PLCB4: variants seen among roughly 807,000 people sequenced by gnomAD.
PLCB4 encodes phospholipase C beta 4.
In PLCB4, 77 loss-of-function variants were observed where a neutral mutation model predicts 178.8. The ratio of observed to expected loss-of-function variants is 0.43; its 90% CI spans 0.36 to 0.52. The LOEUF (loss-of-function observed/expected upper bound fraction) is 0.52. Ranked by LOEUF, PLCB4 falls within the 20% of genes least tolerant of loss-of-function variation. The probability of loss-of-function intolerance (pLI) is 0.00; values close to 1 mark genes in which losing one functional copy is unlikely to be tolerated. For missense variants in PLCB4, 1,024 were observed against 1,453.4 expected, an observed-to-expected ratio of 0.70 and a Z score of 4.80; for synonymous variants, 496 against 490.8, an observed-to-expected ratio of 1.01 and a Z score of -0.14.
chr20:9,292,628 G>A (rs2094590128), intron 3 of PLCB4, among the ~76,000 whole-genome samples: 1 of 152,272 alleles, frequency 6.6e-6, no homozygotes, highest in East Asian at 1.9e-4. Context: ...AGGCACAATC[G>A]AGGCTGTCAA....
chr20:9,342,350 G>T (rs937475970), intron 7 of PLCB4, among the ~76,000 whole-genome samples: 1 of 152,172 alleles, frequency 6.6e-6, no homozygotes, highest in African/African-American at 2.4e-5. Flanking sequence ...ACATGAAATA[G>T]TGTTTGTGAC....
intron 7 of PLCB4, among the ~76,000 whole-genome samples, chr20:9,356,936 C>A (rs1055979568): frequency 2.0e-5 from 3 of 151,956 alleles, no homozygotes; most frequent in African/African-American, 7.3e-5. Flanking sequence ...GGCAACATGG[C>A]CAGACCCCAT....
rs767026439 is a variant in PLCB4, at chr20:9,339,046, A to T, written c.369+9A>T. 1 of 1,608,012 alleles carries T rather than the reference A, an allele frequency of 6.2e-7. No individual in the cohort carries two copies. Among genetic ancestry groups the T allele is most frequent in the Non-Finnish European group, 8.5e-7 (1 of 1,175,776 alleles). On this transcript the variant is annotated intron_variant, in intron 7 of 39. Transcript: ENST00000378473. ...ATCCAGAAGTAACTAAGGTAGCTTC[A>T]GTTAAATGGCCTCCTTCTCTTCCCC...
At chr20:9,260,516 A>G (rs116052679) in intron 3 of PLCB4, among the ~76,000 whole-genome samples, 3,405 of 152,234 alleles carry the variant, frequency 0.022, 64 homozygotes, top group African/African-American at 0.034. Context: ...AAAAAAATGT[A>G]TAGAGTGACA....
intron 3 of PLCB4, among the ~76,000 whole-genome samples, chr20:9,262,180 C>A (rs374596013): frequency 6.6e-6 from 1 of 152,086 alleles, no homozygotes; most frequent in Non-Finnish European, 1.5e-5. Context: ...GACCCAAGAA[C>A]GAGTGCCATC....
At chr20:9,459,529 A>G (rs886514972) in intron 34 of PLCB4, 106 bp from the exon 35 acceptor site, 1 of 684,498 alleles carries the variant, frequency 1.5e-6, no homozygotes, top group Non-Finnish European at 2.4e-6. Context: ...TGATTCACCA[A>G]TTAAGTTGGT....
Position 9,401,621 on chromosome 20 carries a change from A to G in PLCB4, c.1611+31A>G, listed in dbSNP as rs758919012. On this transcript the variant is annotated intron_variant, in intron 20 of 39. Transcript: ENST00000378473. ...AGTCCCCTTTCTTTCATCACTCTCAAGAGGTAGCAGCTGTTATTTATGAAA... is the reference window on the plus strand; with the variant it reads ...AGTCCCCTTTCTTTCATCACTCTCAGGAGGTAGCAGCTGTTATTTATGAAA... 5 of 1,393,906 alleles carry G rather than the reference A, an allele frequency of 3.6e-6. No individual in the cohort carries two copies. In the Admixed American group the frequency reaches 8.5e-5, roughly 24 times the overall value. 86.3% of individuals were successfully genotyped at this position (1,393,906 alleles called of 1,614,324 possible). A position where few individuals can be genotyped will look rare whatever the true frequency, so the allele number is the denominator to read the frequency against.
At chr20:9,156,180 G>T (rs2092784900) in intron 2 of PLCB4, among the ~76,000 whole-genome samples, 1 of 152,156 alleles carries the variant, frequency 6.6e-6, no homozygotes, top group African/African-American at 2.4e-5. Context: ...TCTCCAGATT[G>T]TTTCTGGAAG....
At chr20:9,403,727 G>A (rs1015086625) in intron 20 of PLCB4, among the ~76,000 whole-genome samples, 1 of 152,206 alleles carries the variant, frequency 6.6e-6, no homozygotes, top group Non-Finnish European at 1.5e-5. Flanking sequence ...TCAGTGATTG[G>A]CACATGAGTA....
At chr20:9,266,610 A>ATAC (rs2094351985) in intron 3 of PLCB4, among the ~76,000 whole-genome samples, 1 of 152,202 alleles carries the variant, frequency 6.6e-6, no homozygotes, top group African/African-American at 2.4e-5. Context: ...AAATTGCTTA[A>ATAC]TACTGTCGCT....
intron 1 of PLCB4, among the ~76,000 whole-genome samples, chr20:9,086,287 C>T (rs1007984383): frequency 2.0e-5 from 3 of 151,928 alleles, no homozygotes; most frequent in East Asian, 1.9e-4. Context: ...ACTACAGCAT[C>T]GGTATATTGG....
At chr20:9,380,002 T>A in intron 12 of PLCB4, 52 bp from the exon 13 acceptor site, 1 of 879,282 alleles carries the variant, frequency 1.1e-6, no homozygotes. Flanking sequence ...TAATGTCTAA[T>A]GCCTCAAGGC....
chr20:9,435,393 T>C lies in PLCB4; in HGVS notation c.2525-167T>C, dbSNP rs3817877. 0.23 allele frequency among the ~76,000 whole-genome samples: 35,725 copies of C among 152,212 alleles called. 4,955 individuals carry two copies. Among genetic ancestry groups the C allele is most frequent in the African/African-American group, 0.37 (15,413 of 41,514 alleles). On this transcript the variant is annotated intron_variant, in intron 28 of 39. Transcript: ENST00000378473. ...CCCTTGCTTTTAACTCCTTTCTTGTTTTCTGCAACTAGCTGTGCCTTCCTC... is the reference window on the plus strand; with the variant it reads ...CCCTTGCTTTTAACTCCTTTCTTGTCTTCTGCAACTAGCTGTGCCTTCCTC...
chr20:9,380,209 G>A, intron 13 of PLCB4, 47 bp downstream of exon 13: 1 of 960,500 alleles, frequency 1.0e-6, no homozygotes. Context: ...AAGAAAAGAT[G>A]CAACTTTTAA....
chr20:9,079,920 A>T (rs1052491589), intron 1 of PLCB4, among the ~76,000 whole-genome samples: 4 of 152,184 alleles, frequency 2.6e-5, no homozygotes, highest in Non-Finnish European at 5.9e-5. Flanking sequence ...TTATCTGATT[A>T]ACCAAAAATG....
chr20:9,390,053 A>C, intron 16 of PLCB4, 95 bp downstream of exon 16: 1 of 688,398 alleles, frequency 1.5e-6, no homozygotes, highest in Non-Finnish European at 2.5e-6. Flanking sequence ...ATAGCTGAAT[A>C]GTTTGTTTTG....
intron 4 of PLCB4, among the ~76,000 whole-genome samples, chr20:9,310,941 T>C (rs1358476007): frequency 7.2e-5 from 11 of 152,240 alleles, no homozygotes. Context: ...CCATGACACT[T>C]CTAATTCTGT....
intron 2 of PLCB4, among the ~76,000 whole-genome samples, chr20:9,197,677 G>A (rs1241619947): frequency 6.6e-6 from 1 of 152,184 alleles, no homozygotes; most frequent in Non-Finnish European, 1.5e-5. Flanking sequence ...TTGCCAAACA[G>A]AAATAAAACT....
intron 4 of PLCB4, among the ~76,000 whole-genome samples, chr20:9,320,357 T>C (rs1478306206): frequency 1.3e-5 from 2 of 152,222 alleles, no homozygotes; most frequent in South Asian, 2.1e-4. Context: ...TATGAACATA[T>C]AATGAGCAGT....
Sources: gnomAD v4.1 joint callset for allele counts (sites outside exome capture counted in the v4.1 genomes callset) on GRCh38, gnomAD v4.1.1 for gene constraint, MANE v1.5 for transcripts, NCBI Gene and HGNC (gene_info 2026-07-23, HGNC 2026-07-21) for gene names.